RUNDC3B: variants seen among roughly 807,000 people sequenced by gnomAD.
RUNDC3B encodes RUN domain containing 3B.
In RUNDC3B, 33 loss-of-function variants were observed where a neutral mutation model predicts 58.4. The ratio of observed to expected loss-of-function variants is 0.56; its 90% CI spans 0.43 to 0.75. The LOEUF is 0.75. Ranked by LOEUF, RUNDC3B falls within the 30% of genes least tolerant of loss-of-function variation. The probability of loss-of-function intolerance (pLI) is 0.00; values close to 1 mark genes in which losing one functional copy is unlikely to be tolerated. For missense variants in RUNDC3B, 501 were observed against 535.7 expected, an observed-to-expected ratio of 0.94 and a Z score of 0.64; for synonymous variants, 193 against 195.2, an observed-to-expected ratio of 0.99 and a Z score of 0.10.
Position 87,699,665 on chromosome 7 carries a change from C to T in RUNDC3B, c.239-756C>T, listed in dbSNP as rs1226428759. 2.0e-5 allele frequency among the ~76,000 whole-genome samples: 3 copies of T among 152,168 alleles called. No individual in the cohort carries two copies. In the East Asian group the frequency reaches 5.8e-4, roughly 29 times the overall value. Reference sequence around the variant, plus strand: ...AGGTGATCCACCCACCTTGGCCTTCCAAAGTGCTGAGATTACAAGCATGAG... The same window carrying T: ...AGGTGATCCACCCACCTTGGCCTTCTAAAGTGCTGAGATTACAAGCATGAG... On this transcript the variant is annotated intron_variant, in intron 2 of 10. Transcript: ENST00000394654.
chr7:87,739,347 T>C (rs926100476), intron 4 of RUNDC3B, among the ~76,000 whole-genome samples: 6 of 152,022 alleles, frequency 3.9e-5, no homozygotes, highest in African/African-American at 1.4e-4. Context: ...ATCTTTGCAA[T>C]TATAGAAAAA....
At position 87,684,746 on chromosome 7, in the gene RUNDC3B, CAAAAAAAAAA is replaced by C. The variant is rs71524694; in HGVS notation, c.239-15657_239-15648del. 2.9e-4 allele frequency among the ~76,000 whole-genome samples: 11 copies of C among 37,792 alleles called. 1 individual carries two copies. Among genetic ancestry groups the C allele is most frequent in the East Asian group, 2.5e-3 (3 of 1,188 alleles). 24.8% of individuals were successfully genotyped at this position (37,792 alleles called of 152,430 possible). A position where few individuals can be genotyped will look rare whatever the true frequency, so the allele number is the denominator to read the frequency against. On this transcript the variant is annotated intron_variant, in intron 2 of 10. Coordinates refer to ENST00000394654, the MANE Select transcript of RUNDC3B (RefSeq NM_001134405.2). The stretch of plus-strand genomic sequence containing the variant: ...CTGGTGACAGAGTGAGACTCCGTCT[CAAAAAAAAAA>C]AAAAAAAAAAAAAAAAAGAATAGAA...
At chr7:87,717,979 A>AT (rs1830663416) in intron 4 of RUNDC3B, among the ~76,000 whole-genome samples, 2 of 152,156 alleles carry the variant, frequency 1.3e-5, no homozygotes, top group Non-Finnish European at 2.9e-5. Flanking sequence ...AAACTGATAC[A>AT]TTTTGATCAA....
chr7:87,638,380 T>TG (rs201685472), intron 1 of RUNDC3B, among the ~76,000 whole-genome samples: 4 of 151,120 alleles, frequency 2.6e-5, no homozygotes, highest in African/African-American at 4.9e-5. Flanking sequence ...TGTGTGTGTG[T>TG]TTCCTCCCCT....
intron 10 of RUNDC3B, among the ~76,000 whole-genome samples, chr7:87,829,135 C>T (rs930404297): frequency 6.6e-6 from 1 of 151,986 alleles, no homozygotes; most frequent in Non-Finnish European, 1.5e-5. Context: ...GAAGTGTCTT[C>T]GTGTCTTTTG....
intron 1 of RUNDC3B, among the ~76,000 whole-genome samples, chr7:87,635,802 T>G (rs1158242130): frequency 6.6e-6 from 1 of 152,150 alleles, no homozygotes; most frequent in Non-Finnish European, 1.5e-5. Context: ...AACACCATGG[T>G]TTGTTTTGCC....
At chr7:87,720,980 T>C (rs2130774784) in intron 4 of RUNDC3B, among the ~76,000 whole-genome samples, 1 of 148,996 alleles carries the variant, frequency 6.7e-6, no homozygotes, top group Non-Finnish European at 1.5e-5. Context: ...AGTTTAAAAT[T>C]AGCTAAATGT....
intron 2 of RUNDC3B, among the ~76,000 whole-genome samples, chr7:87,684,555 T>G (rs188680372): frequency 5.3e-5 from 8 of 152,138 alleles, no homozygotes; most frequent in Non-Finnish European, 7.4e-5. Context: ...GAGACCATCC[T>G]GGCCAACATG....
chr7:87,762,210 A>G (rs779106058), intron 6 of RUNDC3B, among the ~76,000 whole-genome samples: 1 of 151,632 alleles, frequency 6.6e-6, no homozygotes, highest in Non-Finnish European at 1.5e-5. Context: ...CTTTTTCTGC[A>G]TCTATTAAAA....
chr7:87,713,390 A>T (rs1830265332), intron 4 of RUNDC3B: 1 of 152,192 alleles, frequency 6.6e-6, no homozygotes, highest in African/African-American at 2.4e-5. Flanking sequence ...AATCAGTGAA[A>T]ACCCAAGGAT....
chr7:87,758,225 G>A (rs1198273892), intron 6 of RUNDC3B, among the ~76,000 whole-genome samples: 4 of 152,164 alleles, frequency 2.6e-5, no homozygotes, highest in African/African-American at 9.7e-5. Flanking sequence ...GGAAGGCCAA[G>A]GTGGGAGAAT....
At chr7:87,729,459 G>C (rs1831449863) in intron 4 of RUNDC3B, among the ~76,000 whole-genome samples, 1 of 152,134 alleles carries the variant, frequency 6.6e-6, no homozygotes, top group Non-Finnish European at 1.5e-5. Flanking sequence ...ACTTGACGTT[G>C]GAACTCAGTA....
intron 2 of RUNDC3B, among the ~76,000 whole-genome samples, chr7:87,680,578 A>T (rs1826827741): frequency 6.6e-6 from 1 of 150,606 alleles, no homozygotes; most frequent in Non-Finnish European, 1.5e-5. Flanking sequence ...GGATCACCTT[A>T]GGTCAGGAGT....
intron 1 of RUNDC3B, among the ~76,000 whole-genome samples, chr7:87,632,431 A>ACATGTAAATTACATGTAAATTACATGTAG (rs1447116611): frequency 6.6e-6 from 1 of 152,218 alleles, no homozygotes; most frequent in Non-Finnish European, 1.5e-5. Context: ...GTAGACTAAA[A>ACATGTAAATTACATGTAAATTACATGTAG]ACATTTGCAT....
chr7:87,656,071 G>A (rs1296878593), intron 2 of RUNDC3B, among the ~76,000 whole-genome samples: 1 of 151,910 alleles, frequency 6.6e-6, no homozygotes, highest in Non-Finnish European at 1.5e-5. Flanking sequence ...AGAACTATGA[G>A]AAATAAATTT....
At chr7:87,682,973 T>C (rs898015970) in intron 2 of RUNDC3B, among the ~76,000 whole-genome samples, 8 of 152,252 alleles carry the variant, frequency 5.3e-5, no homozygotes, top group Non-Finnish European at 1.2e-4. Context: ...GTAGCCACCT[T>C]CATCAGTTAT....
intron 10 of RUNDC3B, among the ~76,000 whole-genome samples, chr7:87,823,413 T>C (rs1837607848): frequency 8.2e-6 from 1 of 122,124 alleles, no homozygotes; most frequent in Non-Finnish European, 1.7e-5. Context: ...TTTATTTTTA[T>C]TTTTTTTAAT....
intron 6 of RUNDC3B, among the ~76,000 whole-genome samples, chr7:87,765,427 G>A (rs552058241): frequency 6.6e-6 from 1 of 151,800 alleles, no homozygotes; most frequent in Non-Finnish European, 1.5e-5. Flanking sequence ...TTTGATGTTG[G>A]CATTTAGTGC....
chr7:87,633,452 G>C (rs576845355), intron 1 of RUNDC3B, among the ~76,000 whole-genome samples: 1 of 152,296 alleles, frequency 6.6e-6, no homozygotes, highest in South Asian at 2.1e-4. Context: ...GACTCTTGCA[G>C]CATGTAGAGC....
Sources: gnomAD v4.1 joint callset for allele counts (sites outside exome capture counted in the v4.1 genomes callset) on GRCh38, gnomAD v4.1.1 for gene constraint, MANE v1.5 for transcripts, NCBI Gene and HGNC (gene_info 2026-07-23, HGNC 2026-07-21) for gene names.